Variants in EPAS1 observed in about 807,000 individuals in gnomAD.
EPAS1 encodes endothelial PAS domain-containing protein 1.
EPAS1 carries 23 observed loss-of-function variants against 87.9 expected under a neutral mutation model. The ratio of observed to expected loss-of-function variants is 0.26; its 90% CI spans 0.19 to 0.37. The LOEUF (loss-of-function observed/expected upper bound fraction) is 0.37. EPAS1 is among the 10% of genes least tolerant of loss of function. EPAS1 has a pLI of 1.00. For missense variants in EPAS1, 1,138 were observed against 1,120.7 expected (o/e 1.02, Z -0.22); for synonymous variants, 508 against 444.3 (o/e 1.14, Z -1.80).
At chr2:46,309,825 T>C (rs1683176958) in intron 1 of EPAS1, among the ~76,000 whole-genome samples, 1 of 152,152 alleles carries the variant, frequency 6.6e-6, no homozygotes, top group Admixed American at 6.5e-5. Flanking sequence ...CATGTTGTGA[T>C]GGAATCTTTG....
intron 7 of EPAS1, among the ~76,000 whole-genome samples, chr2:46,374,595 C>A (rs914187083): frequency 2.6e-5 from 4 of 152,154 alleles, no homozygotes; most frequent in African/African-American, 9.7e-5. Context: ...AGGATTGTTC[C>A]TTTCCCCAAA....
At chr2:46,331,293 A>G (rs4953348) in intron 1 of EPAS1, among the ~76,000 whole-genome samples, 64,073 of 152,076 alleles carry the variant, frequency 0.42, 14,525 homozygotes, top group East Asian at 0.67. Flanking sequence ...TCCCTTCTCT[A>G]TCCCCAGTGC....
chr2:46,307,218 C>A (rs558778789), intron 1 of EPAS1, among the ~76,000 whole-genome samples: 1 of 152,294 alleles, frequency 6.6e-6, no homozygotes, highest in Non-Finnish European at 1.5e-5. Context: ...AATTTTGGTG[C>A]CTTGGTGCCC....
In EPAS1 at chr2:46,376,522, T is replaced by TC. The variant is rs1413811767; in HGVS notation, c.1035-16dup. The stretch of plus-strand genomic sequence containing the variant: ...AGAAAATGTGGAAAGTCTGAATGGC[T>TC]CTTTCCCCCCCATTAGTGAGATTGA... On this transcript the variant is annotated splice_polypyrimidine_tract_variant and intron_variant, in intron 8 of 15. Coordinates refer to ENST00000263734, the MANE Select transcript of EPAS1 (RefSeq NM_001430.5). The TC allele has an allele frequency of 2.9e-5, 46 of 1,612,400 alleles. No individual in the cohort carries two copies. The highest frequency in any genetic ancestry group is 3.8e-5 in the Non-Finnish European group (45 of 1,178,588).
At position 46,371,027 on chromosome 2, in the gene EPAS1, A is replaced by G. The variant is rs1470417198; in HGVS notation, c.886+1094A>G. Reference sequence around the variant, plus strand: ...GTATCTAGCATAGCGTCTGGTACAGAACAGGCACTAAATGCACTATATAAA... The same window carrying G: ...GTATCTAGCATAGCGTCTGGTACAGGACAGGCACTAAATGCACTATATAAA... On this transcript the variant is annotated intron_variant, in intron 7 of 15. Coordinates refer to ENST00000263734, the MANE Select transcript of EPAS1 (RefSeq NM_001430.5). This position sits in a 1 kb window ranked among gnomAD's most constrained non-coding sequence, Gnocchi z 4.3. Among the ~76,000 whole-genome samples the G allele has an allele frequency of 6.6e-6, 1 of 152,230 alleles. No individual in the cohort carries two copies. Among genetic ancestry groups the G allele is most frequent in the African/African-American group, 2.4e-5 (1 of 41,464 alleles).
chr2:46,366,742 G>C (rs1426962243), intron 6 of EPAS1, among the ~76,000 whole-genome samples: 1 of 152,226 alleles, frequency 6.6e-6, no homozygotes, highest in South Asian at 2.1e-4. Flanking sequence ...TAGTTCCCTG[G>C]CCCCTGATGG....
At chr2:46,321,295 T>G (rs188412259) in intron 1 of EPAS1, among the ~76,000 whole-genome samples, 160 of 152,374 alleles carry the variant, frequency 1.1e-3, no homozygotes, top group African/African-American at 3.6e-3. Flanking sequence ...CAAGGGACAT[T>G]TGAGTTGTTT....
rs1456632851 is a variant in EPAS1, at chr2:46,385,138, G to A, written c.*478G>A. The A allele has an allele frequency of 6.1e-6, 1 of 164,666 alleles. No individual in the cohort carries two copies. The highest frequency in any genetic ancestry group is 1.7e-4 in the East Asian group (1 of 5,844). 10.2% of individuals were successfully genotyped at this position (164,666 alleles called of 1,614,324 possible). ...TGGTTTGTGGCGTCTCCCTCGCAGA[G>A]CCCTTCTCGTTTCTTTTTTAAACTA... On this transcript the variant is annotated 3_prime_UTR_variant, in exon 16 of 16. Coordinates refer to ENST00000263734, the MANE Select transcript of EPAS1 (RefSeq NM_001430.5).
chr2:46,351,187 C>G (rs566109348), intron 2 of EPAS1, among the ~76,000 whole-genome samples: 7 of 152,276 alleles, frequency 4.6e-5, no homozygotes, highest in African/African-American at 1.7e-4. Context: ...TGGGTGAGAA[C>G]AGCTAATATA....
chr2:46,379,808 G>A (rs374339947), intron 11 of EPAS1: 19 of 268,428 alleles, frequency 7.1e-5, no homozygotes, highest in East Asian at 4.4e-4. Context: ...CCAGCTTACA[G>A]GAGGGAGAAG....
chr2:46,378,888 A>T, intron 11 of EPAS1, 121 bp downstream of exon 11: 1 of 939,798 alleles, frequency 1.1e-6, no homozygotes, highest in Non-Finnish European at 1.7e-6. Context: ...CGTTTGGCCA[A>T]GGCCCAGGTC....
At chr2:46,345,285 A>T (rs564864520) in intron 1 of EPAS1, among the ~76,000 whole-genome samples, 1 of 152,340 alleles carries the variant, frequency 6.6e-6, no homozygotes, top group South Asian at 2.1e-4. Flanking sequence ...TTAAAAAAAT[A>T]AAAAACATAC....
chr2:46,375,833 C>T lies in EPAS1; in HGVS notation c.1030C>T (p.Leu344=), dbSNP rs772273069. Residue 344 remains leucine (L), a synonymous_variant, in exon 8 of 16, where the codon CTG becomes TTG. Transcript: ENST00000263734. The surrounding 1 kb of genome is among the most constrained non-coding windows in gnomAD (Gnocchi z 4.1). ...GTGCATCATGTGTGTCAACTACGTC[C>T]TGAGGTAAGCATGTGAGGGCTGGCG... The part of the protein sequence containing the change: ...PQCIMCVNYV[L]SEIEKNDVVF... 1.9e-6 allele frequency: 3 copies of T among 1,614,194 alleles called. No individual in the cohort carries two copies. In the East Asian group the frequency reaches 6.7e-5, roughly 36 times the overall value.
At chr2:46,361,292 G>A (rs1684382924) in intron 6 of EPAS1, among the ~76,000 whole-genome samples, 1 of 152,156 alleles carries the variant, frequency 6.6e-6, no homozygotes, top group Admixed American at 6.5e-5. Context: ...CCCATTGACA[G>A]AGCCTCAGGG....
intron 4 of EPAS1, among the ~76,000 whole-genome samples, chr2:46,359,734 T>TC (rs1441883901): frequency 1.2e-4 from 18 of 152,250 alleles, no homozygotes; most frequent in African/African-American, 3.9e-4. Flanking sequence ...GAAACAAGGC[T>TC]CTAGATTGTT....
At chr2:46,301,402 C>T (rs1682993895) in intron 1 of EPAS1, among the ~76,000 whole-genome samples, 1 of 151,942 alleles carries the variant, frequency 6.6e-6, no homozygotes, top group African/African-American at 2.4e-5. Context: ...TGGTGAAACC[C>T]CGTCTCTATT....
chr2:46,356,694 TA>T, intron 3 of EPAS1, 29 bp from the exon 4 acceptor site: 1 of 1,551,846 alleles, frequency 6.4e-7, no homozygotes. Context: ...CTGTTAGGAA[TA>T]ATGATGCCTA....
chr2:46,357,391 A>G (rs1393466854), intron 4 of EPAS1, among the ~76,000 whole-genome samples: 1 of 152,150 alleles, frequency 6.6e-6, no homozygotes, highest in Non-Finnish European at 1.5e-5. Flanking sequence ...GCATGCTGGG[A>G]CAACAGGACT....
intron 15 of EPAS1, among the ~76,000 whole-genome samples, chr2:46,383,071 C>T (rs1158518909): frequency 6.6e-6 from 1 of 152,234 alleles, no homozygotes; most frequent in African/African-American, 2.4e-5. Context: ...CCCGTCTATG[C>T]AAGGATGAGC....
Sources: allele counts gnomAD v4.1 joint callset (sites outside exome capture counted in the v4.1 genomes callset), GRCh38; gene constraint gnomAD v4.1.1; non-coding constraint Gnocchi (gnomAD v3.1); transcripts MANE v1.5; gene names NCBI Gene and HGNC (gene_info 2026-07-23, HGNC 2026-07-21).